The following HNRNPH3 variants were observed in gnomAD, a reference collection of about 807,000 sequenced individuals.
HNRNPH3 encodes heterogeneous nuclear ribonucleoprotein 2H9.
In HNRNPH3, 7 loss-of-function variants were observed where a neutral mutation model predicts 47.0. The observed-to-expected ratio is 0.15, with a 90% CI of 0.08 to 0.28. The LOEUF (loss-of-function observed/expected upper bound fraction) is 0.28, where lower values mean the gene tolerates loss of function less well. HNRNPH3 is among the 10% of genes least tolerant of loss of function. The probability of loss-of-function intolerance (pLI) is 1.00; values close to 1 mark genes in which losing one functional copy is unlikely to be tolerated. For synonymous variants in HNRNPH3, 120 were observed against 143.2 expected (o/e 0.84, Z 1.16); for missense variants, 279 against 449.6 (o/e 0.62, Z 3.43).
chr10:68,335,475 C>CT (rs34001723), intron 1 of HNRNPH3, among the ~76,000 whole-genome samples: 6,215 of 147,090 alleles, frequency 0.042, 150 homozygotes, highest in Non-Finnish European at 0.05. Flanking sequence ...CATCTCTGAA[C>CT]TTTTTTTTTT....
In HNRNPH3 at chr10:68,342,178, T is replaced by A; in HGVS notation, c.*124T>A. On this transcript the variant is annotated 3_prime_UTR_variant, in exon 10 of 10. Transcript: ENST00000265866. The stretch of plus-strand genomic sequence containing the variant: ...ACTGAAGGAATGTGTTTTCAAAATA[T>A]TATTTGGTAAAGCAACAGATTGTGA... 1.5e-6 allele frequency: 1 copy of A among 648,530 alleles called. No individual in the cohort carries two copies. Among genetic ancestry groups the A allele is most frequent in the Non-Finnish European group, 2.5e-6 (1 of 397,910 alleles). 40.2% of individuals were successfully genotyped at this position (648,530 alleles called of 1,614,324 possible). A position where few individuals can be genotyped will look rare whatever the true frequency, so the allele number is the denominator to read the frequency against.
At chr10:68,335,978 T>C (rs2045525863) in intron 1 of HNRNPH3, among the ~76,000 whole-genome samples, 1 of 152,228 alleles carries the variant, frequency 6.6e-6, no homozygotes, top group Admixed American at 6.5e-5. Context: ...CTAGAGGTAC[T>C]TAACTACTTC....
At chr10:68,335,515 CAG>C (rs2045502317) in intron 1 of HNRNPH3, among the ~76,000 whole-genome samples, 1 of 151,912 alleles carries the variant, frequency 6.6e-6, no homozygotes, top group East Asian at 1.9e-4. Flanking sequence ...CGCCTCCTCT[CAG>C]AGCTACTCTT....
chr10:68,332,488 G>C (rs570724290), intron 1 of HNRNPH3, among the ~76,000 whole-genome samples: 13 of 152,234 alleles, frequency 8.5e-5, no homozygotes, highest in Non-Finnish European at 1.8e-4. Context: ...TTCCCTGCTG[G>C]CTTGGCCTCC....
chr10:68,339,406 A>G (rs1355101147), intron 5 of HNRNPH3, 34 bp from the exon 6 acceptor site: 3 of 1,570,376 alleles, frequency 1.9e-6, no homozygotes, highest in Non-Finnish European at 2.6e-6. Context: ...TGTATCTGTA[A>G]TAGTTTATAA....
chr10:68,342,147 A>G lies in HNRNPH3; in HGVS notation c.*93A>G. 1 of 814,624 alleles carries G rather than the reference A, an allele frequency of 1.2e-6. No homozygotes were observed. The highest frequency in any genetic ancestry group is 1.9e-6 in the Non-Finnish European group (1 of 534,546). 50.5% of individuals were successfully genotyped at this position (814,624 alleles called of 1,614,324 possible). A position where few individuals can be genotyped will look rare whatever the true frequency, so the allele number is the denominator to read the frequency against. On this transcript the variant is annotated 3_prime_UTR_variant, in exon 10 of 10. Coordinates refer to ENST00000265866, the MANE Select transcript of HNRNPH3 (RefSeq NM_012207.3). ...ATTTCTTTTGTATTTTAAGAACTTT[A>G]TAATGACTGAAGGAATGTGTTTTCA...
Position 68,341,289 on chromosome 10 carries a change from C to T in HNRNPH3, c.755C>T (p.Ser252Phe). 1 of 1,600,880 alleles carries T rather than the reference C, an allele frequency of 6.2e-7. No individual in the cohort carries two copies. The highest frequency in any genetic ancestry group is 8.5e-7 in the Non-Finnish European group (1 of 1,177,050). Residue 252 changes from serine (S) to phenylalanine (F), a missense_variant, in exon 7 of 10, where the codon TCT becomes TTT. Ser to Phe is a radical substitution (Grantham distance 155). This residue lies in a region of HNRNPH3 where 239 missense variants were observed against 335.8 expected (regional missense o/e 0.71). Coordinates refer to ENST00000265866, the MANE Select transcript of HNRNPH3 (RefSeq NM_012207.3). Reference sequence around the variant, plus strand: ...CATGAAGATGCAGTAGCTGCCATGTCTAAAGATAAAAATAACATGCGTAAG... The same window carrying T: ...CATGAAGATGCAGTAGCTGCCATGTTTAAAGATAAAAATAACATGCGTAAG... The part of the protein sequence containing the change: ...VTHEDAVAAM[S>F]KDKNNMQHRY...
At chr10:68,341,432 TGGCTTTCTGTG>T (rs1486925521) in intron 7 of HNRNPH3, 123 bp downstream of exon 7, 19 of 1,086,270 alleles carry the variant, frequency 1.7e-5, no homozygotes, top group Admixed American at 2.4e-5. Context: ...ACCTCTATAA[TGGCTTTCTGTG>T]GGCTTTATAT....
Position 68,341,305 on chromosome 10 carries a change from C to T in HNRNPH3, c.771C>T (p.Asn257=). Residue 257 remains asparagine, a synonymous_variant, in exon 7 of 10, where the codon AAC becomes AAT. Coordinates refer to ENST00000265866, the MANE Select transcript of HNRNPH3 (RefSeq NM_012207.3). ...AVAAMSKDKN[N]MQHRYIELFL... ...CTGCCATGTCTAAAGATAAAAATAA[C>T]ATGCGTAAGTGGTGTCTTTGGCACA... 1 of 1,599,800 alleles carries T rather than the reference C, an allele frequency of 6.3e-7. No homozygotes were observed.
chr10:68,339,349 A>G (rs987766393), intron 5 of HNRNPH3, 91 bp from the exon 6 acceptor site: 12 of 1,522,234 alleles, frequency 7.9e-6, no homozygotes, highest in African/African-American at 2.8e-5. Flanking sequence ...GTGCATTCCT[A>G]TATAGAGCTT....
intron 1 of HNRNPH3, chr10:68,336,934 T>A (rs974181193): frequency 3.4e-6 from 1 of 292,564 alleles, no homozygotes; most frequent in African/African-American, 2.2e-5. Context: ...GGTAGTAGAA[T>A]TATGCAAGTT....
chr10:68,335,894 G>A (rs2045522585), intron 1 of HNRNPH3, among the ~76,000 whole-genome samples: 1 of 152,166 alleles, frequency 6.6e-6, no homozygotes, highest in African/African-American at 2.4e-5. Flanking sequence ...TAGTTGTAAT[G>A]TCAGTTAAAA....
intron 1 of HNRNPH3, 199 bp from the exon 2 acceptor site, chr10:68,337,000 T>C (rs2045578112): frequency 7.0e-6 from 3 of 431,272 alleles, no homozygotes; most frequent in Non-Finnish European, 1.2e-5. Flanking sequence ...TACTTTTCCG[T>C]AGGAGGGGGT....
In HNRNPH3 at chr10:68,341,565, T is replaced by C; in HGVS notation, c.776-20T>C. 1 of 1,506,422 alleles carries C rather than the reference T, an allele frequency of 6.6e-7. No individual in the cohort carries two copies. Among genetic ancestry groups the C allele is most frequent in the Non-Finnish European group, 9.2e-7 (1 of 1,091,402 alleles). 93.3% of individuals were successfully genotyped at this position (1,506,422 alleles called of 1,614,324 possible). A position where few individuals can be genotyped will look rare whatever the true frequency, so the allele number is the denominator to read the frequency against. ...CCATCATTCCTTTCTCCCCTGTTAC[T>C]CTTTCTTTTTTTCTTAAAGAACATC... On this transcript the variant is annotated intron_variant, in intron 7 of 9. Transcript: ENST00000265866.
intron 9 of HNRNPH3, 40 bp downstream of exon 9, chr10:68,341,891 T>C (rs931573196): frequency 6.3e-6 from 10 of 1,587,900 alleles, no homozygotes; most frequent in Non-Finnish European, 8.6e-6. Context: ...TCCGCATATG[T>C]AGTGCAAACT....
Position 68,337,152 on chromosome 10 carries a change from G to A in HNRNPH3, c.-23-47G>A. 1 of 889,230 alleles carries A rather than the reference G, an allele frequency of 1.1e-6. No individual in the cohort carries two copies. Among genetic ancestry groups the A allele is most frequent in the South Asian group, 1.5e-5 (1 of 68,386 alleles). The allele number at this position is 889,230 out of a possible 1,614,324, so 55.1% of individuals were successfully genotyped here. On this transcript the variant is annotated intron_variant, in intron 1 of 9. Transcript: ENST00000265866. This position sits in a 1 kb window ranked among gnomAD's most constrained non-coding sequence, Gnocchi z 4.5. ...GTGTTTCTTCATTACCTCTTGACAAGAGTATATTTTGATTGACTGCTCTAT... is the reference window on the plus strand; with the variant it reads ...GTGTTTCTTCATTACCTCTTGACAAAAGTATATTTTGATTGACTGCTCTAT...
At chr10:68,341,716 C>T in intron 8 of HNRNPH3, 36 bp downstream of exon 8, 2 of 1,585,440 alleles carry the variant, frequency 1.3e-6, no homozygotes, top group Non-Finnish European at 1.7e-6. Flanking sequence ...GGGTTAGCTG[C>T]TTATCGATGA....
intron 1 of HNRNPH3, chr10:68,336,960 A>G: frequency 2.9e-6 from 1 of 345,106 alleles, no homozygotes; most frequent in East Asian, 4.5e-5. Flanking sequence ...AAAATTAGGC[A>G]ATATATAATA....
rs750906941 is a variant in HNRNPH3, at chr10:68,337,323, G to T, written c.102G>T (p.Gln34His). The change falls in exon 2 of 10, where the codon CAG (glutamine) becomes CAT (histidine). Residue 34 changes from glutamine (Q) to histidine (H), a missense_variant. By Grantham distance (24) the Gln-to-His change is conservative. Coordinates refer to ENST00000265866, the MANE Select transcript of HNRNPH3 (RefSeq NM_012207.3). The surrounding 1 kb of genome is among the most constrained non-coding windows in gnomAD (Gnocchi z 4.5). ...GTTGCAGCAAAGAGGAAATAGTTCAGTTCTTTCAAGGTACCTCTAGTATTA... is the reference window on the plus strand; with the variant it reads ...GTTGCAGCAAAGAGGAAATAGTTCATTTCTTTCAAGGTACCTCTAGTATTA... The part of the protein sequence containing the change: ...PFGCSKEEIV[Q>H]FFQGLEIVPN... The T allele has an allele frequency of 6.3e-7, 1 of 1,582,404 alleles. No homozygotes were observed. The highest frequency in any genetic ancestry group is 2.2e-5 in the East Asian group (1 of 44,736).
Sources: gnomAD v4.1 joint callset for allele counts (sites outside exome capture counted in the v4.1 genomes callset) on GRCh38, gnomAD v4.1.1 for gene constraint, gnomAD v4.1.1 regional missense constraint, Gnocchi (gnomAD v3.1) non-coding constraint, MANE v1.5 for transcripts, NCBI Gene and HGNC (gene_info 2026-07-23, HGNC 2026-07-21) for gene names.